The following SETBP1 variants were observed in gnomAD, a reference collection of about 807,000 sequenced individuals.
SETBP1 encodes the protein SET-binding protein.
SETBP1 carries 9 observed loss-of-function variants against 101.0 expected under a neutral mutation model. That is an observed-to-expected ratio of 0.09 (90% CI 0.05 to 0.16). SETBP1 has a LOEUF of 0.16. Ranked by LOEUF, SETBP1 falls within the 10% of genes least tolerant of loss-of-function variation. The pLI, the probability that SETBP1 is intolerant of heterozygous loss-of-function variation, is 1.00. For synonymous variants in SETBP1, 818 were observed against 788.5 expected, an observed-to-expected ratio of 1.04 and a Z score of -0.63; for missense variants, 1,858 against 2,033.8, an observed-to-expected ratio of 0.91 and a Z score of 1.66.
chr18:44,904,919 A>G (rs1346213630), intron 3 of SETBP1, among the ~76,000 whole-genome samples: 1 of 152,192 alleles, frequency 6.6e-6, no homozygotes, highest in African/African-American at 2.4e-5. Context: ...CACTGAAACT[A>G]TCTCTGGTGG....
chr18:44,912,066 A>T (rs1290299893), intron 3 of SETBP1, among the ~76,000 whole-genome samples: 2 of 152,168 alleles, frequency 1.3e-5, no homozygotes, highest in African/African-American at 4.8e-5. Context: ...GGGTGAGAAG[A>T]TGGAGTCTGT....
At chr18:44,869,163 G>T in intron 2 of SETBP1, 67 bp from the exon 3 acceptor site, 1 of 1,401,672 alleles carries the variant, frequency 7.1e-7, no homozygotes, top group Admixed American at 1.7e-5. Context: ...TTGCTGGTCA[G>T]TTGTCGTGGG....
intron 3 of SETBP1, among the ~76,000 whole-genome samples, chr18:44,932,014 G>C (rs1331181259): frequency 6.6e-6 from 1 of 152,178 alleles, no homozygotes; most frequent in African/African-American, 2.4e-5. Context: ...CTTGTTAGTT[G>C]ATGCAGTTTC....
chr18:44,814,813 T>C (rs1287043042), intron 2 of SETBP1, among the ~76,000 whole-genome samples: 2 of 152,220 alleles, frequency 1.3e-5, no homozygotes, highest in African/African-American at 4.8e-5. Context: ...TTGGCTTGGA[T>C]TGATAATCAG....
intron 4 of SETBP1, among the ~76,000 whole-genome samples, chr18:45,004,868 G>A (rs1367697372): frequency 3.9e-5 from 6 of 152,156 alleles, no homozygotes; most frequent in Non-Finnish European, 8.8e-5. Context: ...CACTCCCAAT[G>A]TCATTTTTTA....
chr18:44,887,511 T>G (rs1211293682), intron 3 of SETBP1, among the ~76,000 whole-genome samples: 1 of 152,166 alleles, frequency 6.6e-6, no homozygotes, highest in Non-Finnish European at 1.5e-5. Context: ...TTGATAGGAC[T>G]AGAGACTCCT....
chr18:45,059,181 C>G (rs952371377), intron 5 of SETBP1, among the ~76,000 whole-genome samples: 1 of 152,158 alleles, frequency 6.6e-6, no homozygotes, highest in Non-Finnish European at 1.5e-5. Context: ...TATCAACTTA[C>G]AGTCAATCTT....
At chr18:44,768,170 T>C (rs2070799250) in intron 2 of SETBP1, among the ~76,000 whole-genome samples, 2 of 152,176 alleles carry the variant, frequency 1.3e-5, no homozygotes, top group African/African-American at 4.8e-5. Context: ...AGGTGTGATT[T>C]GGGAGGTTTT....
intron 5 of SETBP1, among the ~76,000 whole-genome samples, chr18:45,045,108 C>T (rs1229596734): frequency 2.6e-5 from 4 of 151,654 alleles, no homozygotes; most frequent in Non-Finnish European, 5.9e-5. Context: ...GTGGTGAAAC[C>T]CCGTCTTTAC....
At chr18:45,017,543 G>A (rs889356243) in intron 4 of SETBP1, among the ~76,000 whole-genome samples, 77 of 152,350 alleles carry the variant, frequency 5.1e-4, no homozygotes, top group African/African-American at 1.8e-3. Flanking sequence ...GGCAATTTTA[G>A]GGACTGGGAT....
At chr18:44,702,324 A>C (rs922727395) in intron 2 of SETBP1, among the ~76,000 whole-genome samples, 2 of 152,196 alleles carry the variant, frequency 1.3e-5, no homozygotes, top group African/African-American at 4.8e-5. Context: ...GGACTCTTGA[A>C]GTTCAAGCCC....
intron 4 of SETBP1, among the ~76,000 whole-genome samples, chr18:45,007,326 C>G (rs898117402): frequency 2.0e-5 from 3 of 152,100 alleles, no homozygotes; most frequent in Admixed American, 6.6e-5. Flanking sequence ...ATTTGTCTTG[C>G]TCTGTCTTCT....
chr18:44,970,770 C>T (rs1235628432), intron 4 of SETBP1, among the ~76,000 whole-genome samples: 1 of 151,962 alleles, frequency 6.6e-6, no homozygotes, highest in African/African-American at 2.4e-5. Flanking sequence ...AGGCTGGTCT[C>T]GAACTCCTGA....
chr18:44,810,521 G>A (rs1268937637), intron 2 of SETBP1, among the ~76,000 whole-genome samples: 1 of 152,144 alleles, frequency 6.6e-6, no homozygotes, highest in Admixed American at 6.5e-5. Flanking sequence ...TTGAATAATG[G>A]AACCCCCAAA....
intron 3 of SETBP1, among the ~76,000 whole-genome samples, chr18:44,906,688 G>A (rs1020612198): frequency 6.6e-6 from 1 of 152,180 alleles, no homozygotes; most frequent in Non-Finnish European, 1.5e-5. Context: ...CTCAACAAGG[G>A]AGGAGAAATA....
At position 45,063,750 on chromosome 18, in the gene SETBP1, C is replaced by T. The variant is rs776281025; in HGVS notation, c.*52C>T. The T allele has an allele frequency of 2.6e-6, 4 of 1,562,124 alleles. No individual in the cohort carries two copies. Among genetic ancestry groups the T allele is most frequent in the Non-Finnish European group, 1.7e-6 (2 of 1,153,122 alleles). On this transcript the variant is annotated 3_prime_UTR_variant, in exon 6 of 6. Transcript: ENST00000649279. ...GCCTAGGGAACTGACACGTGGGAAG[C>T]GCAGTGAGCCGGGGCGGGGGCGGAA...
intron 2 of SETBP1, among the ~76,000 whole-genome samples, chr18:44,782,798 G>C (rs1283914413): frequency 6.6e-6 from 1 of 152,142 alleles, no homozygotes; most frequent in Non-Finnish European, 1.5e-5. Flanking sequence ...CCACTAACTG[G>C]TCAGGGAATA....
At chr18:44,870,669 A>T (rs2069251999) in intron 3 of SETBP1, 1 of 152,138 alleles carries the variant, frequency 6.6e-6, no homozygotes, top group Admixed American at 6.6e-5. Context: ...ACCCACCTCC[A>T]CACCTACACT....
intron 2 of SETBP1, among the ~76,000 whole-genome samples, chr18:44,773,493 T>A (rs925076082): frequency 2.0e-5 from 3 of 152,192 alleles, no homozygotes; most frequent in Non-Finnish European, 4.4e-5. Context: ...GGCACCTCCC[T>A]CCCCTCTTCT....
Sources: gnomAD v4.1 joint callset for allele counts (sites outside exome capture counted in the v4.1 genomes callset) on GRCh38, gnomAD v4.1.1 for gene constraint, MANE v1.5 for transcripts, NCBI Gene and HGNC (gene_info 2026-07-23, HGNC 2026-07-21) for gene names.